Variants in TANC2 observed in about 807,000 individuals in gnomAD.
TANC2 encodes protein TANC2.
Under a neutral mutation model 210.5 loss-of-function variants are expected in TANC2, and 26 were observed. That is an observed-to-expected ratio of 0.12 (90% CI 0.09 to 0.17). The LOEUF is 0.17. Among genes scored for constraint, TANC2 ranks in the 10% least tolerant of loss-of-function variants. TANC2 has a pLI of 1.00. For synonymous variants in TANC2, 931 were observed against 967.1 expected (o/e 0.96, Z 0.69); for missense variants, 2,129 against 2,608.9 (o/e 0.82, Z 4.01).
intron 8 of TANC2, among the ~76,000 whole-genome samples, chr17:63,265,542 T>C (rs2043498717): frequency 6.6e-6 from 1 of 152,204 alleles, no homozygotes; most frequent in Non-Finnish European, 1.5e-5. Flanking sequence ...TGTAACTACT[T>C]AGTAAGTGTT....
At chr17:63,280,526 T>A (rs1388968669) in intron 9 of TANC2, among the ~76,000 whole-genome samples, 1 of 152,104 alleles carries the variant, frequency 6.6e-6, no homozygotes, top group African/African-American at 2.4e-5. Flanking sequence ...GTTGCTTTTT[T>A]AAGAGTCCTT....
At chr17:63,416,851 G>A (rs766531349) in intron 26 of TANC2, among the ~76,000 whole-genome samples, 17 of 152,312 alleles carry the variant, frequency 1.1e-4, no homozygotes, top group Middle Eastern at 3.4e-3. Context: ...AGAAGGTGGC[G>A]GTCTCGGGAG....
intron 2 of TANC2, among the ~76,000 whole-genome samples, chr17:63,070,670 T>TA (rs137968921): frequency 0.029 from 4,477 of 152,090 alleles, 82 homozygotes; most frequent in South Asian, 0.038. Context: ...TGTAAATGGT[T>TA]AAAAAAAATT....
chr17:63,367,311 C>T (rs1291672797), intron 14 of TANC2, among the ~76,000 whole-genome samples: 1 of 152,202 alleles, frequency 6.6e-6, no homozygotes, highest in Non-Finnish European at 1.5e-5. Context: ...TTGTCCAACC[C>T]ACGGCCCATG....
chr17:63,255,019 AC>A (rs2043147402), intron 8 of TANC2, among the ~76,000 whole-genome samples: 2 of 151,098 alleles, frequency 1.3e-5, no homozygotes, highest in Non-Finnish European at 3.0e-5. Flanking sequence ...CTCCTCCTCT[AC>A]TTTTTTGAAT....
At chr17:63,224,732 A>C (rs536648047) in intron 7 of TANC2, among the ~76,000 whole-genome samples, 1 of 152,302 alleles carries the variant, frequency 6.6e-6, no homozygotes, top group East Asian at 1.9e-4. Flanking sequence ...TGCCACCAGT[A>C]CATTTCTCAT....
chr17:63,074,106 G>A, intron 3 of TANC2, 92 bp downstream of exon 3: 1 of 919,290 alleles, frequency 1.1e-6, no homozygotes, highest in Non-Finnish European at 1.6e-6. Flanking sequence ...ATATTGCCAT[G>A]GTATAGTTTA....
At chr17:63,415,410 C>G in intron 25 of TANC2, 118 bp from the exon 26 acceptor site, 1 of 1,326,148 alleles carries the variant, frequency 7.5e-7, no homozygotes, top group Admixed American at 2.6e-5. Flanking sequence ...TCTAGGCTGG[C>G]GTTTGGGAGG....
chr17:63,345,600 CA>C, intron 12 of TANC2, among the ~76,000 whole-genome samples: 1 of 83,140 alleles, frequency 1.2e-5, no homozygotes. Flanking sequence ...GCCTGGGCAA[CA>C]AGAGCAAAAT....
intron 1 of TANC2, among the ~76,000 whole-genome samples, chr17:62,976,999 A>G (rs1026160448): frequency 6.6e-6 from 1 of 152,190 alleles, no homozygotes; most frequent in South Asian, 2.1e-4. Flanking sequence ...AGTAAGGTGG[A>G]CGCGTCAGGT....
In TANC2 at chr17:63,420,006, G is replaced by T. The variant is rs141384353; in HGVS notation, c.4276G>T (p.Ala1426Ser). Residue 1426 changes from alanine to serine, a missense_variant, in exon 28 of 28, where the codon GCA becomes TCA. Ala to Ser is a moderately conservative substitution (Grantham distance 99, BLOSUM62 1). This residue lies in a region of TANC2 where 644 missense variants were observed against 937.5 expected (regional missense o/e 0.69). Coordinates refer to ENST00000689528, the Ensembl canonical transcript of TANC2. This position sits in a 1 kb window ranked among gnomAD's most constrained non-coding sequence, Gnocchi z 4.2. ...TCACATTTTGTCAAGCAGACAGTTCGCAGCAGCCTTAGAGGACCTGAACGA... is the reference window on the plus strand; with the variant it reads ...TCACATTTTGTCAAGCAGACAGTTCTCAGCAGCCTTAGAGGACCTGAACGA... 80 of 1,540,016 alleles carry T rather than the reference G, an allele frequency of 5.2e-5. No homozygotes were observed. In the East Asian group the frequency reaches 1.9e-3, roughly 36 times the overall value.
chr17:63,277,895 G>A (rs942620858), intron 9 of TANC2, among the ~76,000 whole-genome samples: 6 of 152,118 alleles, frequency 3.9e-5, no homozygotes, highest in African/African-American at 1.4e-4. Context: ...TAACAGGCCG[G>A]GTACAGTGGA....
intron 10 of TANC2, among the ~76,000 whole-genome samples, chr17:63,316,185 A>G (rs1189118269): frequency 6.6e-6 from 1 of 152,182 alleles, no homozygotes; most frequent in Non-Finnish European, 1.5e-5. Context: ...GTAACTTTCC[A>G]CACTATTCCA....
At chr17:63,344,608 T>C (rs2046341484) in intron 12 of TANC2, among the ~76,000 whole-genome samples, 1 of 152,194 alleles carries the variant, frequency 6.6e-6, no homozygotes. Context: ...CTAAGGAATC[T>C]ACCCAGAAAA....
intron 2 of TANC2, among the ~76,000 whole-genome samples, chr17:63,069,885 ATTC>A (rs1449636438): frequency 6.6e-6 from 1 of 152,116 alleles, no homozygotes; most frequent in Non-Finnish European, 1.5e-5. Flanking sequence ...GGACTGTTGT[ATTC>A]TTCTGTTTTG....
At chr17:63,297,595 T>A (rs1380497198) in intron 9 of TANC2, among the ~76,000 whole-genome samples, 1 of 152,090 alleles carries the variant, frequency 6.6e-6, no homozygotes, top group African/African-American at 2.4e-5. Flanking sequence ...GAGCTCCAAC[T>A]GTAAGACTCT....
intron 5 of TANC2, chr17:63,152,850 T>C (rs1354941748): frequency 4.6e-5 from 7 of 152,160 alleles, no homozygotes; most frequent in Non-Finnish European, 1.5e-5. Flanking sequence ...TTTAATCTAA[T>C]CTAAAGCTAA....
At chr17:63,183,370 T>C (rs999572209) in intron 5 of TANC2, among the ~76,000 whole-genome samples, 1 of 152,252 alleles carries the variant, frequency 6.6e-6, no homozygotes, top group Non-Finnish European at 1.5e-5. Context: ...TATTTTTTTC[T>C]CTATTTAGTA....
chr17:63,378,357 A>G (rs2047491929), intron 14 of TANC2, among the ~76,000 whole-genome samples: 1 of 152,172 alleles, frequency 6.6e-6, no homozygotes, highest in Non-Finnish European at 1.5e-5. Context: ...CACACACATT[A>G]ACACTTAAAA....
Sources: allele counts gnomAD v4.1 joint callset (sites outside exome capture counted in the v4.1 genomes callset), GRCh38; gene constraint gnomAD v4.1.1; regional missense constraint gnomAD v4.1.1; non-coding constraint Gnocchi (gnomAD v3.1); transcripts MANE v1.5; gene names NCBI Gene and HGNC (gene_info 2026-07-23, HGNC 2026-07-21).